Variants in PRKX observed in about 807,000 individuals in gnomAD.
The protein encoded by PRKX is cAMP-dependent protein kinase catalytic subunit PRKX.
PRKX carries 12 observed loss-of-function variants against 22.0 expected under a neutral mutation model. That is an observed-to-expected ratio of 0.54 (90% confidence interval 0.35 to 0.88). The LOEUF (loss-of-function observed/expected upper bound fraction) is 0.88, where lower values mean the gene tolerates loss of function less well. Ranked by LOEUF, PRKX falls within the 40% of genes least tolerant of loss-of-function variation. PRKX has a pLI of 0.01. For synonymous variants in PRKX, 134 were observed against 137.7 expected, an observed-to-expected ratio of 0.97 and a Z score of 0.19; for missense variants, 217 against 308.0, an observed-to-expected ratio of 0.70 and a Z score of 2.21.
At chrX:3,662,529 A>G (rs751915947) in intron 2 of PRKX, among the ~76,000 whole-genome samples, 6 of 108,732 alleles carry the variant, frequency 5.5e-5, no homozygotes, top group African/African-American at 2.0e-4. Flanking sequence ...CCCCATCTCT[A>G]CTAAAAATAC....
intron 2 of PRKX, among the ~76,000 whole-genome samples, chrX:3,669,009 T>C (rs1331109802): frequency 2.7e-5 from 3 of 111,874 alleles, no homozygotes; most frequent in Admixed American, 1.9e-4. Context: ...CCCAGAGACA[T>C]TGCTCAGCAC....
intron 1 of PRKX, among the ~76,000 whole-genome samples, chrX:3,684,818 A>G (rs1928143266): frequency 9.1e-6 from 1 of 110,187 alleles, no homozygotes; most frequent in African/African-American, 3.3e-5. Flanking sequence ...TTTATTTTTT[A>G]TTTATTTCTA....
At position 3,607,878 on chromosome X, in the gene PRKX, C is replaced by CTTTTTT. The variant is rs66607852; in HGVS notation, c.*1085_*1090dup. Reference sequence around the variant, plus strand: ...TTCAAAAGCACAAAGCCATTGCCTTCTTTTTTTTTTTTTTTTTTTTTGGAC... The same window carrying CTTTTTT: ...TTCAAAAGCACAAAGCCATTGCCTTCTTTTTTTTTTTTTTTTTTTTTTTTTTTGGAC... On this transcript the variant is annotated 3_prime_UTR_variant, in exon 9 of 9. Transcript: ENST00000262848. The CTTTTTT allele has an allele frequency of 1.4e-5, 1 of 73,741 alleles. No homozygotes were observed. Among genetic ancestry groups the CTTTTTT allele is most frequent in the Non-Finnish European group, 2.6e-5 (1 of 38,491 alleles). The allele number at this position is 73,741 out of a possible 1,213,427, so 6.1% of individuals were successfully genotyped here.
chrX:3,699,887 A>G (rs915299509), intron 1 of PRKX, among the ~76,000 whole-genome samples: 5 of 112,440 alleles, frequency 4.4e-5, no homozygotes, highest in Non-Finnish European at 9.4e-5. Flanking sequence ...ATTTAAGGAC[A>G]TGCCTCTGTA....
chrX:3,671,018 G>GTATT (rs1168224703), intron 2 of PRKX, among the ~76,000 whole-genome samples: 2 of 110,371 alleles, frequency 1.8e-5, no homozygotes, highest in Non-Finnish European at 3.8e-5. Context: ...TCAAAGAACT[G>GTATT]TATTTATTTA....
At chrX:3,655,552 C>T (rs1688488979) in intron 2 of PRKX, 140 bp from the exon 3 acceptor site, 3 of 678,082 alleles carry the variant, frequency 4.4e-6, no homozygotes, top group Admixed American at 3.2e-5. Context: ...GGACAGATGT[C>T]GGGACATGGA....
intron 1 of PRKX, among the ~76,000 whole-genome samples, chrX:3,685,225 G>A (rs765182682): frequency 1.0e-4 from 9 of 89,388 alleles, no homozygotes; most frequent in African/African-American, 4.3e-4. Flanking sequence ...TTCTTTCATC[G>A]GTTTCCTTCC....
chrX:3,673,027 G>C (rs1183836015), intron 2 of PRKX, among the ~76,000 whole-genome samples: 1 of 110,903 alleles, frequency 9.0e-6, no homozygotes, highest in Non-Finnish European at 1.9e-5. Context: ...GAAAGGAAGG[G>C]AGGAAGGGAG....
chrX:3,683,657 C>T (rs1400058324), intron 1 of PRKX, among the ~76,000 whole-genome samples: 3 of 111,003 alleles, frequency 2.7e-5, no homozygotes, highest in South Asian at 7.6e-4. Flanking sequence ...GGCAACATAG[C>T]GAGATCCCAG....
intron 3 of PRKX, among the ~76,000 whole-genome samples, chrX:3,645,445 G>A (rs1171784191): frequency 8.9e-6 from 1 of 111,925 alleles, no homozygotes; most frequent in Non-Finnish European, 1.9e-5. Context: ...TTGTGAGTGG[G>A]ACCTTATGTG....
intron 3 of PRKX, among the ~76,000 whole-genome samples, chrX:3,650,063 C>T (rs1278210828): frequency 9.1e-6 from 1 of 110,265 alleles, no homozygotes; most frequent in Admixed American, 9.7e-5. Flanking sequence ...ATTGCTTGAG[C>T]CTGCAAGTTC....
At chrX:3,690,178 G>A (rs925209578) in intron 1 of PRKX, among the ~76,000 whole-genome samples, 1 of 111,405 alleles carries the variant, frequency 9.0e-6, no homozygotes, top group African/African-American at 3.3e-5. Context: ...ACCAGTGGGT[G>A]GGGGAGGAAC....
chrX:3,710,783 G>A (rs1414984937), intron 1 of PRKX, among the ~76,000 whole-genome samples: 2 of 111,689 alleles, frequency 1.8e-5, no homozygotes, highest in Non-Finnish European at 3.8e-5. Flanking sequence ...GTGCTTGTTT[G>A]GGGCCTGAGA....
At chrX:3,639,568 G>T (rs186253938) in intron 4 of PRKX, among the ~76,000 whole-genome samples, 64 of 92,883 alleles carry the variant, frequency 6.9e-4, no homozygotes, top group African/African-American at 2.5e-3. Context: ...GAAGGGGTTG[G>T]GGGGTAGGTG....
intron 5 of PRKX, among the ~76,000 whole-genome samples, chrX:3,624,069 T>C (rs9633179): frequency 9.1e-6 from 1 of 110,283 alleles, no homozygotes; most frequent in Admixed American, 9.7e-5. Flanking sequence ...ATAAGAAAAA[T>C]GCCTCATTAA....
At chrX:3,616,762 C>T (rs1178045238) in intron 6 of PRKX, among the ~76,000 whole-genome samples, 1 of 112,208 alleles carries the variant, frequency 8.9e-6, no homozygotes, top group East Asian at 2.8e-4. Flanking sequence ...GTTTTGACAA[C>T]TTTTTCTTTT....
intron 4 of PRKX, 119 bp downstream of exon 4, chrX:3,641,733 G>A (rs776656358): frequency 7.5e-4 from 192 of 257,069 alleles, no homozygotes; most frequent in African/African-American, 5.9e-3. Flanking sequence ...CAGCCACACT[G>A]TGTGTTTGCG....
intron 1 of PRKX, among the ~76,000 whole-genome samples, chrX:3,704,362 G>A (rs760891039): frequency 8.9e-6 from 1 of 112,054 alleles, no homozygotes; most frequent in African/African-American, 3.2e-5. Context: ...TTGCTTCTGG[G>A]ATTCTAAAGT....
intron 4 of PRKX, among the ~76,000 whole-genome samples, chrX:3,639,807 C>T (rs1448787040): frequency 2.7e-5 from 3 of 110,942 alleles, no homozygotes; most frequent in Non-Finnish European, 5.7e-5. Flanking sequence ...AACGGATTCA[C>T]TTTCTTTATA....
Sources: gnomAD v4.1 joint callset for allele counts (sites outside exome capture counted in the v4.1 genomes callset) on GRCh38, gnomAD v4.1.1 for gene constraint, MANE v1.5 for transcripts, NCBI Gene and HGNC (gene_info 2026-07-23, HGNC 2026-07-21) for gene names.